The following CDH8 variants were observed in gnomAD, a reference collection of about 807,000 sequenced individuals.
CDH8 encodes the protein cadherin-8.
A neutral mutation model predicts 68.1 loss-of-function variants in CDH8; 17 were observed. The ratio of observed to expected loss-of-function variants is 0.25; its 90% CI spans 0.17 to 0.37. The LOEUF (loss-of-function observed/expected upper bound fraction) is 0.37, where lower values mean the gene tolerates loss of function less well. Ranked by LOEUF, CDH8 falls within the 10% of genes least tolerant of loss-of-function variation. The pLI, the probability that CDH8 is intolerant of heterozygous loss-of-function variation, is 1.00. For missense variants in CDH8, 763 were observed against 999.3 expected (o/e 0.76, Z 3.19); for synonymous variants, 372 against 365.1 (o/e 1.02, Z -0.21).
At chr16:61,678,750 G>A (rs1397191865) in intron 10 of CDH8, among the ~76,000 whole-genome samples, 1 of 151,958 alleles carries the variant, frequency 6.6e-6, no homozygotes, top group East Asian at 1.9e-4. Context: ...CCCTCTTTGA[G>A]TTCTCTTACT....
chr16:61,997,238 C>G (rs1567561888), intron 2 of CDH8, among the ~76,000 whole-genome samples: 1 of 152,066 alleles, frequency 6.6e-6, no homozygotes, highest in Non-Finnish European at 1.5e-5. Flanking sequence ...CCTTATGGTA[C>G]ACTGTTTGAA....
intron 11 of CDH8, among the ~76,000 whole-genome samples, chr16:61,654,846 G>C (rs1274544743): frequency 6.6e-6 from 1 of 152,120 alleles, no homozygotes; most frequent in African/African-American, 2.4e-5. Flanking sequence ...GGTAGTATAA[G>C]ATACGACTCT....
At chr16:61,963,300 G>A (rs1965190755) in intron 2 of CDH8, among the ~76,000 whole-genome samples, 3 of 152,144 alleles carry the variant, frequency 2.0e-5, no homozygotes, top group Middle Eastern at 3.4e-3. Flanking sequence ...ATTGACACAA[G>A]GTGTCTAAAA....
At chr16:61,817,284 TTAG>T (rs755557204) in intron 7 of CDH8, among the ~76,000 whole-genome samples, 192 bp downstream of exon 7, 5 of 150,748 alleles carry the variant, frequency 3.3e-5, no homozygotes, top group South Asian at 2.1e-4. Context: ...TATGTAGCAC[TTAG>T]TAGGCATACG....
Position 61,713,919 on chromosome 16 carries a change from T to G in CDH8, c.1576A>C (p.Lys526Gln), listed in dbSNP as rs575023349. 6.5e-5 allele frequency: 104 copies of G among 1,609,636 alleles called. No individual in the cohort carries two copies. The highest frequency in any genetic ancestry group is 1.2e-4 in the Admixed American group (7 of 59,844). The change falls in exon 10 of 12, where the codon AAA becomes CAA. Residue 526 changes from lysine to glutamine, a missense_variant. By Grantham distance (53) the Lys-to-Gln change is moderately conservative. Transcript: ENST00000577390. Reference sequence around the variant, plus strand: ...CTGTATAAGAAATAATGTCCGTTTTTGGGATCATCTTTGTCCATGGCGCTA... The same window carrying G: ...CTGTATAAGAAATAATGTCCGTTTTGGGGATCATCTTTGTCCATGGCGCTA... ...TVSAMDKDDP[K>Q]NGHYFLYSLL...
At chr16:62,015,535 T>C (rs536949764) in intron 2 of CDH8, among the ~76,000 whole-genome samples, 9 of 152,228 alleles carry the variant, frequency 5.9e-5, no homozygotes, top group African/African-American at 2.2e-4. Flanking sequence ...TACTTTGTAG[T>C]AGAATTAAAA....
intron 3 of CDH8, among the ~76,000 whole-genome samples, chr16:61,882,908 G>C (rs1354599908): frequency 6.6e-6 from 1 of 152,106 alleles, no homozygotes; most frequent in African/African-American, 2.4e-5. Flanking sequence ...AAAAGAAGTA[G>C]TTGCAGGTGC....
At chr16:62,019,945 A>G (rs1276290816) in intron 2 of CDH8, among the ~76,000 whole-genome samples, 1 of 152,194 alleles carries the variant, frequency 6.6e-6, no homozygotes, top group Non-Finnish European at 1.5e-5. Context: ...GTTCATTGAT[A>G]CGCCTCCTGT....
chr16:61,897,741 C>T (rs1215247028), intron 3 of CDH8, among the ~76,000 whole-genome samples: 1 of 152,108 alleles, frequency 6.6e-6, no homozygotes, highest in Non-Finnish European at 1.5e-5. Context: ...AACCATCTTA[C>T]TCTAATCTAG....
chr16:61,782,815 C>A (rs1345989977), intron 8 of CDH8, among the ~76,000 whole-genome samples: 1 of 152,140 alleles, frequency 6.6e-6, no homozygotes, highest in Non-Finnish European at 1.5e-5. Flanking sequence ...GGAGGCACCC[C>A]CCAGCAGGGG....
At chr16:61,921,722 C>T (rs971556188) in intron 2 of CDH8, among the ~76,000 whole-genome samples, 1 of 152,156 alleles carries the variant, frequency 6.6e-6, no homozygotes, top group East Asian at 1.9e-4. Flanking sequence ...GCATGGTAAT[C>T]TAAGCACTTT....
chr16:61,780,776 T>C (rs1167167456), intron 8 of CDH8, among the ~76,000 whole-genome samples: 4 of 152,208 alleles, frequency 2.6e-5, no homozygotes, highest in Admixed American at 6.5e-5. Flanking sequence ...GCTATGTTCA[T>C]AGTAATTTCA....
At chr16:61,925,570 AT>A (rs1964443845) in intron 2 of CDH8, among the ~76,000 whole-genome samples, 1 of 152,032 alleles carries the variant, frequency 6.6e-6, no homozygotes, top group Admixed American at 6.6e-5. Flanking sequence ...TTTTATTTCT[AT>A]TTTTCTCCAT....
At chr16:61,725,724 G>T (rs1959341609) in intron 9 of CDH8, 1 of 150,794 alleles carries the variant, frequency 6.6e-6, no homozygotes, top group Non-Finnish European at 1.5e-5. Context: ...ACGTGTGATT[G>T]ATAGGGGGTA....
At chr16:61,976,541 A>G (rs2150580045) in intron 2 of CDH8, among the ~76,000 whole-genome samples, 1 of 152,258 alleles carries the variant, frequency 6.6e-6, no homozygotes. Flanking sequence ...TCCCCATTTC[A>G]GGATGTAAAT....
At chr16:61,739,884 C>CATATATATATATAT (rs35095367) in intron 8 of CDH8, among the ~76,000 whole-genome samples, 1,161 of 101,194 alleles carry the variant, frequency 0.011, 20 homozygotes, top group East Asian at 0.031. Flanking sequence ...CAACATATTC[C>CATATATATATATAT]ATATATATAT....
intron 11 of CDH8, among the ~76,000 whole-genome samples, chr16:61,654,940 A>G (rs1202868060): frequency 6.6e-6 from 1 of 152,240 alleles, no homozygotes; most frequent in Non-Finnish European, 1.5e-5. Context: ...CTTAATTTGC[A>G]ATCATCATTT....
intron 6 of CDH8, 187 bp from the exon 7 acceptor site, chr16:61,817,919 A>T (rs1314689258): frequency 7.7e-6 from 4 of 516,286 alleles, no homozygotes; most frequent in Non-Finnish European, 1.3e-5. Flanking sequence ...TCTGTTTATT[A>T]TATAAGCTCA....
chr16:61,791,418 C>G (rs1027375891), intron 7 of CDH8, among the ~76,000 whole-genome samples: 10 of 151,972 alleles, frequency 6.6e-5, no homozygotes, highest in African/African-American at 2.4e-4. Flanking sequence ...TGTAAAATAA[C>G]TAAACAGACA....
Sources: gnomAD v4.1 joint callset for allele counts (sites outside exome capture counted in the v4.1 genomes callset) on GRCh38, gnomAD v4.1.1 for gene constraint, MANE v1.5 for transcripts, NCBI Gene and HGNC (gene_info 2026-07-23, HGNC 2026-07-21) for gene names.